Variants in RPP40 observed in about 807,000 individuals in gnomAD.
RPP40 encodes the protein ribonuclease P protein subunit p40.
A neutral mutation model predicts 42.5 loss-of-function variants in RPP40; 30 were observed. The observed-to-expected ratio is 0.71, with a 90% CI of 0.53 to 0.96. RPP40 has a LOEUF of 0.96. Ranked by LOEUF, RPP40 falls within the 40% of genes least tolerant of loss-of-function variation. RPP40 has a pLI of 0.00. For missense variants in RPP40, 426 were observed against 433.5 expected, an observed-to-expected ratio of 0.98 and a Z score of 0.15; for synonymous variants, 173 against 164.0, an observed-to-expected ratio of 1.05 and a Z score of -0.42.
In RPP40 at chr6:5,003,953, C is replaced by G. The variant is rs112256108; in HGVS notation, c.50G>C (p.Cys17Ser). Residue 17 changes from cysteine (C) to serine (S), a missense_variant, in exon 1 of 8, where the codon TGC (cysteine) becomes TCC (serine). Cys to Ser is a moderately radical substitution (Grantham distance 112). Coordinates refer to ENST00000380051, the MANE Select transcript of RPP40 (RefSeq NM_006638.4). Reference sequence around the variant, plus strand: ...GTGGTTGCCGAAGTTGGATTTCTCGCAAACCAGTAAGTGCCGCGGCGCCTC... The same window carrying G: ...GTGGTTGCCGAAGTTGGATTTCTCGGAAACCAGTAAGTGCCGCGGCGCCTC... The part of the protein sequence containing the change: ...LREAPRHLLV[C>S]EKSNFGNHKS... 2.7e-5 allele frequency: 44 copies of G among 1,613,560 alleles called. No homozygotes were observed. In the African/African-American group the frequency reaches 3.2e-4, roughly 12 times the overall value.
downstream of RPP40, among the ~76,000 whole-genome samples, chr6:4,993,034 A>G (rs1473658906): frequency 6.6e-6 from 1 of 152,228 alleles, no homozygotes; most frequent in African/African-American, 2.4e-5. Flanking sequence ...TTACTCTTAC[A>G]TATATTATAA....
intron 1 of RPP40, 169 bp downstream of exon 1, chr6:5,003,711 A>G (rs1270653637): frequency 1.3e-6 from 1 of 795,384 alleles, no homozygotes; most frequent in Admixed American, 3.5e-5. Flanking sequence ...CCTGCAAGCC[A>G]CTGGCTTAGA....
downstream of RPP40, among the ~76,000 whole-genome samples, chr6:4,993,056 T>C (rs9405790): frequency 2.0e-5 from 3 of 151,808 alleles, no homozygotes; most frequent in Non-Finnish European, 4.4e-5. Context: ...TCCTACACTA[T>C]GACTTTTATT....
chr6:4,997,789 C>T (rs1759426422), intron 5 of RPP40, among the ~76,000 whole-genome samples: 1 of 152,168 alleles, frequency 6.6e-6, no homozygotes, highest in Non-Finnish European at 1.5e-5. Context: ...CTGCCAGCAT[C>T]CCTGAGACTG....
At chr6:5,003,363 A>G (rs1216932123) in intron 1 of RPP40, among the ~76,000 whole-genome samples, 1 of 149,812 alleles carries the variant, frequency 6.7e-6, no homozygotes, top group African/African-American at 2.5e-5. Context: ...AAAAAAAAAA[A>G]AAAAGGAAAA....
Position 4,998,731 on chromosome 6 carries a change from C to A in RPP40, c.544G>T (p.Ala182Ser). 6.5e-7 allele frequency: 1 copy of A among 1,550,252 alleles called. No homozygotes were observed. Among genetic ancestry groups the A allele is most frequent in the Non-Finnish European group, 8.7e-7 (1 of 1,143,408 alleles). ...TTCCTCATACCTGTTTTATGCCAAG[C>A]CAAAAGAAAATCAAATTTCAATGGC... ...KKPLKFDFLL[A>S]WHKTGSEEST... is the part of the protein sequence containing the mutation. Residue 182 changes from alanine to serine, a missense_variant, in exon 5 of 8, where the codon GCT becomes TCT. Coordinates refer to ENST00000380051, the MANE Select transcript of RPP40 (RefSeq NM_006638.4).
intron 5 of RPP40, among the ~76,000 whole-genome samples, chr6:4,996,688 T>TA (rs1411097171): frequency 1.3e-5 from 2 of 152,178 alleles, no homozygotes; most frequent in East Asian, 3.9e-4. Context: ...TTTGTGCTAA[T>TA]AAAAAAATTT....
chr6:4,995,563 G>A lies in RPP40; in HGVS notation c.894-287C>T, dbSNP rs138048865. On this transcript the variant is annotated intron_variant, in intron 7 of 7. Transcript: ENST00000380051. ...ACCCAAAACAAAAAACCCCACAGGC[G>A]TTTAAGGATCCTTTCCCTCCTATTA... Among the ~76,000 whole-genome samples the A allele has an allele frequency of 2.3e-3, 357 of 152,242 alleles. 2 individuals carry two copies. Among genetic ancestry groups the A allele is most frequent in the African/African-American group, 8.0e-3 (334 of 41,512 alleles).
intron 7 of RPP40, 24 bp from the exon 8 acceptor site, chr6:4,995,300 CAG>C (rs757238319): frequency 1.7e-5 from 26 of 1,569,328 alleles, no homozygotes; most frequent in African/African-American, 2.7e-5. Context: ...AGTTGTTAAA[CAG>C]AGTTTTAAAA....
intron 3 of RPP40, 93 bp downstream of exon 3, chr6:5,000,470 G>C (rs12212751): frequency 2.5e-6 from 2 of 802,952 alleles, no homozygotes; most frequent in Non-Finnish European, 4.0e-6. Context: ...TTACAGGCGT[G>C]AGCCACCGTG....
At chr6:5,000,757 G>A in intron 2 of RPP40, 126 bp from the exon 3 acceptor site, 1 of 662,094 alleles carries the variant, frequency 1.5e-6, no homozygotes, top group Non-Finnish European at 2.7e-6. Flanking sequence ...CCCTGCTCCA[G>A]CTCACTCAAT....
In RPP40 at chr6:5,002,100, C is replaced by T; in HGVS notation, c.268+1G>A. On this transcript the variant is annotated splice_donor_variant, in intron 2 of 7. Coordinates refer to ENST00000380051, the MANE Select transcript of RPP40 (RefSeq NM_006638.4). LOFTEE classifies it high-confidence loss of function. ...TCACAGCCATTTCAGGTTTTTCTTA[C>T]CTTTCTTTATAAAGGTACTGATGAA... 1 of 1,610,544 alleles carries T rather than the reference C, an allele frequency of 6.2e-7. No homozygotes were observed. The highest frequency in any genetic ancestry group is 1.1e-5 in the South Asian group (1 of 90,282).
rs1318644237 is a variant in RPP40 at position 4,996,307 on chromosome 6, T to G, written c.673A>C (p.Ser225Arg). ...ACCTCTGGCGTTCCCTCCAGCTCGC[T>G]GCTCTGCAGCACTGGGCACTGGAGA... Reference protein sequence around the residue: ...RDLQCPVLQSSELEGTPEVSC... With the variant: ...RDLQCPVLQSRELEGTPEVSC... Residue 225 changes from serine to arginine, a missense_variant, in exon 6 of 8, where the codon AGC becomes CGC. Physicochemically the swap from Ser to Arg is moderately radical, Grantham distance 110 (BLOSUM62 -1). Coordinates refer to ENST00000380051, the MANE Select transcript of RPP40 (RefSeq NM_006638.4). 1.2e-6 allele frequency: 2 copies of G among 1,614,102 alleles called. No homozygotes were observed. The highest frequency in any genetic ancestry group is 1.7e-6 in the Non-Finnish European group (2 of 1,180,058).
chr6:4,989,898 C>A (rs545710268), downstream of RPP40, among the ~76,000 whole-genome samples: 23 of 152,270 alleles, frequency 1.5e-4, 1 homozygote, highest in Middle Eastern at 0.02. Context: ...TTCTTTCTTT[C>A]TTTCCAACCT....
downstream of RPP40, among the ~76,000 whole-genome samples, chr6:4,993,682 T>C (rs571221473): frequency 5.9e-5 from 9 of 152,350 alleles, no homozygotes; most frequent in East Asian, 1.7e-3. Flanking sequence ...TTTTTAAGAC[T>C]ATCCAGGTGG....
In RPP40 at chr6:4,996,352, C is replaced by G. The variant is rs1412751592; in HGVS notation, c.628G>C (p.Ala210Pro). 2 of 1,614,072 alleles carry G rather than the reference C, an allele frequency of 1.2e-6. No individual in the cohort carries two copies. ...YQIQEHQPKV[A>P]LSTLRDLQCP... ...TGGAGATCTCTCAACGTGCTCAGTG[C>G]TACTTTTGGCTGATGCTCCTGAATT... Residue 210 changes from alanine to proline, a missense_variant, in exon 6 of 8, where the codon GCA becomes CCA. By Grantham distance (27) the Ala-to-Pro change is conservative. Coordinates refer to ENST00000380051, the MANE Select transcript of RPP40 (RefSeq NM_006638.4).
intron 7 of RPP40, 52 bp from the exon 8 acceptor site, chr6:4,995,328 C>T: frequency 7.6e-7 from 1 of 1,309,422 alleles, no homozygotes. Context: ...TTAGGAATGT[C>T]TGCATTTTAA....
intron 5 of RPP40, among the ~76,000 whole-genome samples, chr6:4,997,546 A>C (rs555692856): frequency 3.3e-4 from 50 of 152,346 alleles, no homozygotes; most frequent in African/African-American, 1.1e-3. Flanking sequence ...GGACTGAGCC[A>C]GGCTACCAGC....
chr6:4,999,829 C>A lies in RPP40; in HGVS notation c.413G>T (p.Gly138Val), dbSNP rs1179076340. 2 of 1,598,252 alleles carry A rather than the reference C, an allele frequency of 1.3e-6. No individual in the cohort carries two copies. Among genetic ancestry groups the A allele is most frequent in the Non-Finnish European group, 1.7e-6 (2 of 1,166,654 alleles). Residue 138 changes from glycine to valine, a missense_variant, in exon 4 of 8, where the codon GGC (glycine) becomes GTC (valine). Physicochemically the swap from Gly to Val is moderately radical, Grantham distance 109 (BLOSUM62 -3). Transcript: ENST00000380051. ...GLQGHPSQFS[G>V]RKIMKFIVSI... ...CTTACTAAATTTCATAATTTTTCTG[C>A]CAGAAAACTGAGATGGATGACCCTG...
Sources: allele counts gnomAD v4.1 joint callset (sites outside exome capture counted in the v4.1 genomes callset), GRCh38; gene constraint gnomAD v4.1.1; transcripts MANE v1.5; gene names NCBI Gene and HGNC (gene_info 2026-07-23, HGNC 2026-07-21).